The following AKAP6 variants were observed in gnomAD, a reference collection of about 807,000 sequenced individuals.
The protein encoded by AKAP6 is A-kinase anchoring protein 6, also known as A-kinase anchor protein 6.
AKAP6 carries 58 observed loss-of-function variants against 188.5 expected under a neutral mutation model. The ratio of observed to expected loss-of-function variants is 0.31; its 90% CI spans 0.25 to 0.38. The LOEUF is 0.38. AKAP6 is among the 10% of genes least tolerant of loss of function. The probability of loss-of-function intolerance (pLI) is 1.00; values close to 1 mark genes in which losing one functional copy is unlikely to be tolerated. For missense variants in AKAP6, 2,710 were observed against 2,740.0 expected (o/e 0.99, Z 0.24); for synonymous variants, 989 against 998.6 (o/e 0.99, Z 0.18).
chr14:32,756,009 T>G (rs1344956246), intron 11 of AKAP6, among the ~76,000 whole-genome samples: 1 of 152,212 alleles, frequency 6.6e-6, no homozygotes, highest in Non-Finnish European at 1.5e-5. Context: ...CACCAGTCAA[T>G]TGGTCTAGAG....
chr14:32,623,163 G>C (rs1341290775), intron 7 of AKAP6, among the ~76,000 whole-genome samples: 1 of 152,132 alleles, frequency 6.6e-6, no homozygotes, highest in African/African-American at 2.4e-5. Flanking sequence ...AAACCCTAAG[G>C]TGATGAGATC....
intron 2 of AKAP6, among the ~76,000 whole-genome samples, chr14:32,522,582 G>GA (rs1209741869): frequency 6.6e-6 from 1 of 152,098 alleles, no homozygotes; most frequent in Non-Finnish European, 1.5e-5. Context: ...ACAGACACAT[G>GA]AAAAAAATGC....
intron 12 of AKAP6, among the ~76,000 whole-genome samples, chr14:32,786,296 A>ATGTTTTTTTTTTTTTGTTTTTT: frequency 1.1e-4 from 10 of 93,714 alleles, no homozygotes; most frequent in Middle Eastern, 7.1e-3. Context: ...CTAAACCTTT[A>ATGTTTTTTTTTTTTTGTTTTTT]TCTTTTTTTT....
Position 32,348,421 on chromosome 14 carries a change from T to TTC in AKAP6, c.-35+19014_-35+19015insCT, listed in dbSNP as rs1236500145. Among the ~76,000 whole-genome samples, 5 of 131,878 alleles carry TTC rather than the reference T, an allele frequency of 3.8e-5. No homozygotes were observed. In the South Asian group the frequency reaches 6.4e-4, roughly 17 times the overall value. The allele number at this position is 131,878 out of a possible 152,430, so 86.5% of individuals were successfully genotyped here. On this transcript the variant is annotated intron_variant, in intron 1 of 13. Transcript: ENST00000280979. ...GTTCTTTCTTTTCTTTTGTTTCTTT[T>TTC]TTTTTTTTTTTTTTAAGAGTTTTGC...
At chr14:32,510,051 G>C (rs986976878) in intron 2 of AKAP6, among the ~76,000 whole-genome samples, 11 of 151,994 alleles carry the variant, frequency 7.2e-5, no homozygotes, top group African/African-American at 2.4e-4. Flanking sequence ...CCAGTTGATG[G>C]GCAAGGACTT....
At chr14:32,445,679 T>C (rs1890731330) in intron 2 of AKAP6, among the ~76,000 whole-genome samples, 1 of 152,028 alleles carries the variant, frequency 6.6e-6, no homozygotes, top group South Asian at 2.1e-4. Flanking sequence ...GCCCTGCCAG[T>C]TCTCCCCTTA....
chr14:32,816,694 A>G (rs1281731093), intron 12 of AKAP6, among the ~76,000 whole-genome samples: 2 of 152,106 alleles, frequency 1.3e-5, no homozygotes, highest in African/African-American at 2.4e-5. Context: ...CCACCTCTCC[A>G]TCACCCCCTC....
At chr14:32,778,873 A>C (rs1319981947) in intron 12 of AKAP6, among the ~76,000 whole-genome samples, 1 of 151,880 alleles carries the variant, frequency 6.6e-6, no homozygotes, top group Non-Finnish European at 1.5e-5. Context: ...CATAACAAAA[A>C]GCTATAATGA....
At chr14:32,769,721 T>C (rs984880591) in intron 11 of AKAP6, among the ~76,000 whole-genome samples, 10 of 152,174 alleles carry the variant, frequency 6.6e-5, no homozygotes, top group African/African-American at 2.2e-4. Flanking sequence ...GTTTTTAATA[T>C]ATACTTAGTT....
chr14:32,644,628 G>A (rs1483497994), intron 7 of AKAP6, among the ~76,000 whole-genome samples: 3 of 152,048 alleles, frequency 2.0e-5, no homozygotes, highest in Non-Finnish European at 4.4e-5. Flanking sequence ...GCCGTGGATG[G>A]CTTTATTTCT....
chr14:32,819,022 C>T (rs977127416), intron 12 of AKAP6, among the ~76,000 whole-genome samples: 2 of 152,060 alleles, frequency 1.3e-5, no homozygotes, highest in African/African-American at 2.4e-5. Context: ...ATTCATTAGC[C>T]GTACTAACTG....
At chr14:32,611,505 G>C (rs1201384491) in intron 7 of AKAP6, among the ~76,000 whole-genome samples, 5 of 152,152 alleles carry the variant, frequency 3.3e-5, no homozygotes, top group Non-Finnish European at 5.9e-5. Flanking sequence ...TGTAGGTTTG[G>C]TAGTCCAAAT....
chr14:32,432,252 G>A (rs1890249808), intron 1 of AKAP6, among the ~76,000 whole-genome samples: 1 of 152,032 alleles, frequency 6.6e-6, no homozygotes, highest in South Asian at 2.1e-4. Context: ...AGTAGAAGAA[G>A]CTGCTCTTGA....
At position 32,553,225 on chromosome 14, in the gene AKAP6, C is replaced by T. The variant is rs892320079; in HGVS notation, c.2346+6226C>T. 2.0e-5 allele frequency among the ~76,000 whole-genome samples: 3 copies of T among 150,284 alleles called. No homozygotes were observed. The East Asian group carries it at 5.9e-4, about 29-fold the overall frequency. The stretch of plus-strand genomic sequence containing the variant: ...TCACCCAGGCTGGAGTGCAGTGGCA[C>T]GGTCTCAGCTCACTGCACCTCCGCC... On this transcript the variant is annotated intron_variant, in intron 4 of 13. Transcript: ENST00000280979.
chr14:32,354,417 T>A (rs1342962235), intron 1 of AKAP6, among the ~76,000 whole-genome samples: 3 of 137,562 alleles, frequency 2.2e-5, no homozygotes, highest in Non-Finnish European at 4.7e-5. Flanking sequence ...GAAATGGGGA[T>A]AATTATACTA....
At chr14:32,730,411 C>T (rs547469648) in intron 9 of AKAP6, among the ~76,000 whole-genome samples, 3 of 152,284 alleles carry the variant, frequency 2.0e-5, no homozygotes, top group African/African-American at 7.2e-5. Flanking sequence ...ACGCATTTAA[C>T]AGAGAAGATT....
At chr14:32,523,670 T>C (rs1881973504) in intron 2 of AKAP6, among the ~76,000 whole-genome samples, 1 of 151,930 alleles carries the variant, frequency 6.6e-6, no homozygotes, top group Admixed American at 6.6e-5. Context: ...GGTCTCACTT[T>C]GTCGCCCAGA....
chr14:32,472,522 C>T (rs191182450), intron 2 of AKAP6, among the ~76,000 whole-genome samples: 42 of 152,180 alleles, frequency 2.8e-4, no homozygotes, highest in East Asian at 3.9e-4. Flanking sequence ...CTAGGAGAGG[C>T]GATATTACAG....
chr14:32,627,363 A>C (rs1174453353), intron 7 of AKAP6, among the ~76,000 whole-genome samples: 5 of 152,132 alleles, frequency 3.3e-5, no homozygotes, highest in African/African-American at 1.2e-4. Flanking sequence ...TAAGAAAATT[A>C]GTGGAAATTA....
Sources: gnomAD v4.1 joint callset for allele counts (sites outside exome capture counted in the v4.1 genomes callset) on GRCh38, gnomAD v4.1.1 for gene constraint, MANE v1.5 for transcripts, NCBI Gene and HGNC (gene_info 2026-07-23, HGNC 2026-07-21) for gene names.